The following RIGI variants were observed in gnomAD, a reference collection of about 807,000 sequenced individuals.
RIGI encodes the protein RNA sensor RIG-I, also known as antiviral innate immune response receptor RIG-I.
At chr9:32,481,499 T>C in the RIGI span, 1 of 1,529,904 alleles carries the variant, frequency 6.5e-7, no homozygotes, top group African/African-American at 1.4e-5. Flanking sequence ...ATAAGTTTTC[T>C]GTTAAAAAAA....
chr9:32,489,296 A>T, the RIGI span: 3 of 1,391,608 alleles, frequency 2.2e-6, no homozygotes, highest in South Asian at 3.7e-5. Flanking sequence ...CAAAAGAAAA[A>T]AAAGGAAGCA....
At chr9:32,481,321 CTT>C in the RIGI span, 3 of 1,607,812 alleles carry the variant, frequency 1.9e-6, no homozygotes, top group South Asian at 1.1e-5. Flanking sequence ...GAATACGACT[CTT>C]AAAAAGAGGA....
At chr9:32,475,785 A>G in the RIGI span, among the ~76,000 whole-genome samples, 26 of 152,152 alleles carry the variant, frequency 1.7e-4, no homozygotes, top group East Asian at 7.7e-4. Flanking sequence ...ATACCACCAC[A>G]GGCAAAAACC....
chr9:32,493,734 C>T, the RIGI span: 1 of 1,413,558 alleles, frequency 7.1e-7, no homozygotes, highest in Non-Finnish European at 9.7e-7. Flanking sequence ...TTATTTCCCC[C>T]AATTTTAGTA....
At chr9:32,510,133 G>A in the RIGI span, among the ~76,000 whole-genome samples, 11 of 152,210 alleles carry the variant, frequency 7.2e-5, no homozygotes, top group African/African-American at 9.6e-5. Context: ...CGAAAGTGAC[G>A]GGGAGAATGG....
the RIGI span, among the ~76,000 whole-genome samples, chr9:32,496,939 T>C: frequency 6.6e-6 from 1 of 152,206 alleles, no homozygotes; most frequent in Non-Finnish European, 1.5e-5. Context: ...TGCCACATCA[T>C]TTTGATTGCT....
At chr9:32,466,567 A>C in the RIGI span, 4 of 836,840 alleles carry the variant, frequency 4.8e-6, no homozygotes, top group South Asian at 1.9e-5. Context: ...ACTTCCCAGG[A>C]AAGTTGAGCT....
At chr9:32,476,833 G>T in the RIGI span, 41 of 634,972 alleles carry the variant, frequency 6.5e-5, 1 homozygote, top group African/African-American at 5.9e-4. Context: ...TGTTGCCCAG[G>T]CAGGTCTTGA....
the RIGI span, among the ~76,000 whole-genome samples, chr9:32,477,493 C>G: frequency 1.3e-5 from 2 of 152,062 alleles, no homozygotes; most frequent in African/African-American, 4.8e-5. Context: ...AGATCATGGG[C>G]TATGCATCTG....
At chr9:32,493,991 A>G in the RIGI span, 1 of 1,345,788 alleles carries the variant, frequency 7.4e-7, no homozygotes, top group East Asian at 2.4e-5. Context: ...CAACTGAAAA[A>G]TACTTTGAGA....
the RIGI span, among the ~76,000 whole-genome samples, chr9:32,476,156 A>C: frequency 6.6e-6 from 1 of 152,168 alleles, no homozygotes; most frequent in Non-Finnish European, 1.5e-5. Context: ...TAAAATTTAA[A>C]AAGTAAAAAA....
chr9:32,498,438 C>A, the RIGI span: 1 of 445,874 alleles, frequency 2.2e-6, no homozygotes, highest in South Asian at 1.6e-5. Context: ...CTGCTTCTGG[C>A]CCGAGGCTAC....
the RIGI span, among the ~76,000 whole-genome samples, chr9:32,464,418 C>G: frequency 1.3e-5 from 2 of 152,132 alleles, no homozygotes; most frequent in African/African-American, 2.4e-5. Context: ...GAGACGGAGT[C>G]TTACTCTGTT....
At chr9:32,516,728 A>ACT in the RIGI span, among the ~76,000 whole-genome samples, 2 of 152,056 alleles carry the variant, frequency 1.3e-5, no homozygotes, top group Non-Finnish European at 2.9e-5. Context: ...TCAGTATGAT[A>ACT]CTCTAGAGAG....
the RIGI span, among the ~76,000 whole-genome samples, chr9:32,503,029 T>C: frequency 0.6 from 90,834 of 151,984 alleles, 27,588 homozygotes; most frequent in Middle Eastern, 0.68. Context: ...ACAATTCAAC[T>C]CATAACAGCA....
the RIGI span, among the ~76,000 whole-genome samples, chr9:32,516,566 C>G: frequency 6.6e-6 from 1 of 152,210 alleles, no homozygotes; most frequent in Non-Finnish European, 1.5e-5. Context: ...CTAGGAAGAA[C>G]AGCCTTTGAA....
chr9:32,460,580 GAAACATAAAGAGA>G, the RIGI span, among the ~76,000 whole-genome samples: 69 of 152,136 alleles, frequency 4.5e-4, no homozygotes, highest in Middle Eastern at 3.4e-3. Flanking sequence ...AAATACTTTT[GAAACATAAAGAGA>G]AAACATAAAG....
chr9:32,498,383 C>T, the RIGI span: 1 of 456,530 alleles, frequency 2.2e-6, no homozygotes, highest in South Asian at 1.5e-5. Flanking sequence ...CCCTATTCAG[C>T]ATAAATCTCT....
At chr9:32,469,836 C>T in the RIGI span, among the ~76,000 whole-genome samples, 1 of 152,032 alleles carries the variant, frequency 6.6e-6, no homozygotes. Flanking sequence ...CTAAAGACAT[C>T]TACGTTTATC....
Sources: gnomAD v4.1 joint callset for allele counts (sites outside exome capture counted in the v4.1 genomes callset) on GRCh38, gnomAD v4.1.1 for gene constraint, MANE v1.5 for transcripts, NCBI Gene and HGNC (gene_info 2026-07-23, HGNC 2026-07-21) for gene names.